Variants in MAL2 observed in about 807,000 individuals in gnomAD.
MAL2 encodes protein MAL2.
In MAL2, 17 loss-of-function variants were observed where a neutral mutation model predicts 18.1. That is an observed-to-expected ratio of 0.94 (90% CI 0.64 to 1.41). MAL2 has a LOEUF of 1.41. Among genes scored for constraint, MAL2 ranks in the 40% most tolerant of loss-of-function variants. The pLI is 0.00. For missense variants in MAL2, 222 were observed against 231.9 expected, an observed-to-expected ratio of 0.96 and a Z score of 0.28; for synonymous variants, 102 against 102.3, an observed-to-expected ratio of 1.00 and a Z score of 0.02.
At chr8:119,237,996 G>T (rs183276588) in intron 2 of MAL2, among the ~76,000 whole-genome samples, 84 of 152,330 alleles carry the variant, frequency 5.5e-4, no homozygotes, top group African/African-American at 1.9e-3. Flanking sequence ...AAGTCATATT[G>T]TCCCTGTTTG....
In MAL2 at chr8:119,234,941, G is replaced by A. The variant is rs542808136; in HGVS notation, c.304-5224G>A. 4.4e-3 allele frequency among the ~76,000 whole-genome samples: 666 copies of A among 152,170 alleles called. 2 individuals are homozygous for A. Among genetic ancestry groups the A allele is most frequent in the Non-Finnish European group, 7.1e-3 (486 of 68,036 alleles). The stretch of plus-strand genomic sequence containing the variant: ...AGGAACGCAGTTCCTCACCAGCAAC[G>A]GAACAAAGCTGGATGGAGAATGACT... On this transcript the variant is annotated intron_variant, in intron 2 of 3. Transcript: ENST00000614891.
chr8:119,235,565 T>A (rs905184452), intron 2 of MAL2, among the ~76,000 whole-genome samples: 34 of 151,912 alleles, frequency 2.2e-4, no homozygotes, highest in South Asian at 6.2e-4. Flanking sequence ...CGGGTTACCC[T>A]CAAAGGGAAG....
At chr8:119,232,649 T>C (rs1817758298) in intron 2 of MAL2, among the ~76,000 whole-genome samples, 1 of 152,182 alleles carries the variant, frequency 6.6e-6, no homozygotes, top group Admixed American at 6.5e-5. Context: ...TCTGTATCTT[T>C]CAGTGGAAAA....
intron 2 of MAL2, among the ~76,000 whole-genome samples, chr8:119,232,270 GAC>G (rs1817749297): frequency 6.6e-6 from 1 of 151,838 alleles, no homozygotes; most frequent in Admixed American, 6.6e-5. Context: ...TTTGGGACTA[GAC>G]ACACTACATG....
At chr8:119,227,526 G>A (rs935030633) in intron 2 of MAL2, among the ~76,000 whole-genome samples, 8 of 152,144 alleles carry the variant, frequency 5.3e-5, no homozygotes, top group African/African-American at 1.9e-4. Context: ...TCATTAGTGG[G>A]GTTGGGGGAT....
intron 3 of MAL2, among the ~76,000 whole-genome samples, chr8:119,242,941 C>T (rs988449363): frequency 2.0e-5 from 3 of 152,178 alleles, no homozygotes; most frequent in Non-Finnish European, 2.9e-5. Flanking sequence ...AAGAGCAAGC[C>T]AACCTGATAA....
chr8:119,231,069 T>C (rs1027139652), intron 2 of MAL2, among the ~76,000 whole-genome samples: 6 of 152,192 alleles, frequency 3.9e-5, no homozygotes, highest in African/African-American at 1.4e-4. Context: ...TCTTGCTCTG[T>C]TGTCCAGGCT....
At chr8:119,223,302 T>C (rs751746591) in intron 2 of MAL2, 1 of 152,252 alleles carries the variant, frequency 6.6e-6, no homozygotes, top group Non-Finnish European at 1.5e-5. Context: ...CAGTCCTGCA[T>C]GGGCTTTGAG....
intron 2 of MAL2, among the ~76,000 whole-genome samples, chr8:119,231,722 G>A (rs556629666): frequency 1.3e-5 from 2 of 152,284 alleles, no homozygotes; most frequent in African/African-American, 2.4e-5. Flanking sequence ...AGAAAATGCA[G>A]TATATATTCA....
At position 119,244,224 on chromosome 8, in the gene MAL2, T is replaced by G. The variant is rs1419599241; in HGVS notation, c.*736T>G. On this transcript the variant is annotated 3_prime_UTR_variant, in exon 4 of 4. Coordinates refer to ENST00000614891, the MANE Select transcript of MAL2 (RefSeq NM_052886.3). The stretch of plus-strand genomic sequence containing the variant: ...CCTAACAGAAAAGCCACATAATATT[T>G]AGTGTCATTATGCAATAATCACATT... The G allele has an allele frequency of 6.6e-6, 1 of 152,204 alleles. No homozygotes were observed. The highest frequency in any genetic ancestry group is 2.4e-5 in the African/African-American group (1 of 41,458). 9.4% of individuals were successfully genotyped at this position (152,204 alleles called of 1,614,324 possible).
intron 3 of MAL2, among the ~76,000 whole-genome samples, chr8:119,241,439 C>T (rs1013526996): frequency 1.4e-5 from 2 of 146,158 alleles, no homozygotes; most frequent in Admixed American, 6.7e-5. Flanking sequence ...ACTCAGGAGG[C>T]GGAGGTTGCA....
chr8:119,245,511 G>A lies in MAL2; in HGVS notation c.*2023G>A, dbSNP rs996769997. The A allele has an allele frequency of 1.3e-5, 2 of 152,568 alleles. No homozygotes were observed. The highest frequency in any genetic ancestry group is 2.4e-5 in the African/African-American group (1 of 41,442). 9.5% of individuals were successfully genotyped at this position (152,568 alleles called of 1,614,324 possible). On this transcript the variant is annotated 3_prime_UTR_variant, in exon 4 of 4. Coordinates refer to ENST00000614891, the MANE Select transcript of MAL2 (RefSeq NM_052886.3). ...TAATCACATTCTAGACTTGTGAGTT[G>A]AATGACAAAGCAGTTGAACAAAAAT...
chr8:119,224,442 A>G (rs1300076657), intron 2 of MAL2: 1 of 152,242 alleles, frequency 6.6e-6, no homozygotes, highest in African/African-American at 2.4e-5. Flanking sequence ...TAAAAATCCT[A>G]TGCAATTAAA....
At chr8:119,223,723 A>G (rs1817519587) in intron 2 of MAL2, 1 of 152,174 alleles carries the variant, frequency 6.6e-6, no homozygotes, top group Non-Finnish European at 1.5e-5. Flanking sequence ...TAAGAGCCAA[A>G]TCTTGTCTTC....
intron 2 of MAL2, among the ~76,000 whole-genome samples, chr8:119,232,562 A>T (rs1240572082): frequency 6.6e-6 from 1 of 152,210 alleles, no homozygotes; most frequent in Admixed American, 6.5e-5. Context: ...ACGAGTTCTT[A>T]TACTTTTGGT....
At chr8:119,209,826 G>A (rs1817243897) in intron 1 of MAL2, among the ~76,000 whole-genome samples, 1 of 152,212 alleles carries the variant, frequency 6.6e-6, no homozygotes, top group South Asian at 2.1e-4. Flanking sequence ...GATCCTGACT[G>A]CGAGGCTGGT....
At chr8:119,232,231 AT>A (rs1287603495) in intron 2 of MAL2, among the ~76,000 whole-genome samples, 1 of 151,878 alleles carries the variant, frequency 6.6e-6, no homozygotes, top group African/African-American at 2.4e-5. Context: ...AATTAAAATA[AT>A]TTTTTTTGAA....
chr8:119,228,798 T>C (rs1376123374), intron 2 of MAL2, among the ~76,000 whole-genome samples: 2 of 152,168 alleles, frequency 1.3e-5, no homozygotes, highest in African/African-American at 2.4e-5. Flanking sequence ...ATAACCATTA[T>C]GGGTGTGTGT....
chr8:119,236,527 T>G (rs1393840016), intron 2 of MAL2, among the ~76,000 whole-genome samples: 1 of 151,258 alleles, frequency 6.6e-6, no homozygotes, highest in Middle Eastern at 3.4e-3. Context: ...ATTCCAAAAT[T>G]GACCACATAG....
Sources: allele counts gnomAD v4.1 joint callset (sites outside exome capture counted in the v4.1 genomes callset), GRCh38; gene constraint gnomAD v4.1.1; transcripts MANE v1.5; gene names NCBI Gene and HGNC (gene_info 2026-07-23, HGNC 2026-07-21).